GRID1: variants seen among roughly 807,000 people sequenced by gnomAD.
GRID1 encodes glutamate receptor ionotropic, delta-1.
In GRID1, 28 loss-of-function variants were observed where a neutral mutation model predicts 98.0. The observed-to-expected ratio is 0.29, with a 90% confidence interval of 0.21 to 0.39. GRID1 has a LOEUF of 0.39. GRID1 is among the 10% of genes least tolerant of loss of function. The pLI, the probability that GRID1 is intolerant of heterozygous loss-of-function variation, is 1.00. For missense variants in GRID1, 1,111 were observed against 1,340.5 expected, an observed-to-expected ratio of 0.83 and a Z score of 2.67; for synonymous variants, 553 against 538.5, an observed-to-expected ratio of 1.03 and a Z score of -0.37.
chr10:86,152,628 C>T (rs936506336), intron 3 of GRID1, among the ~76,000 whole-genome samples: 6 of 152,236 alleles, frequency 3.9e-5, no homozygotes, highest in African/African-American at 1.4e-4. Flanking sequence ...GGGTAGCCAT[C>T]TCTGGCCTGG....
At chr10:86,004,644 C>T (rs1336972330) in intron 4 of GRID1, among the ~76,000 whole-genome samples, 1 of 152,162 alleles carries the variant, frequency 6.6e-6, no homozygotes, top group East Asian at 1.9e-4. Flanking sequence ...AACCTGCTGG[C>T]TCACTCTGCA....
chr10:86,215,682 G>A (rs186101868), intron 2 of GRID1, among the ~76,000 whole-genome samples: 3 of 152,152 alleles, frequency 2.0e-5, no homozygotes, highest in Admixed American at 2.0e-4. Context: ...GCTCCTCCTG[G>A]GCTCCTCCTC....
At chr10:86,155,838 G>T (rs1252284113) in intron 3 of GRID1, among the ~76,000 whole-genome samples, 2 of 152,162 alleles carry the variant, frequency 1.3e-5, no homozygotes, top group South Asian at 4.1e-4. Context: ...TTGCCTCCAG[G>T]AAGCTCTGAA....
At chr10:86,333,076 T>G (rs948990053) in intron 2 of GRID1, among the ~76,000 whole-genome samples, 1 of 152,184 alleles carries the variant, frequency 6.6e-6, no homozygotes, top group Non-Finnish European at 1.5e-5. Flanking sequence ...GAGACCCACC[T>G]ACCACTCAAA....
intron 4 of GRID1, among the ~76,000 whole-genome samples, chr10:86,073,838 A>C (rs1002322701): frequency 1.3e-5 from 2 of 152,224 alleles, no homozygotes; most frequent in South Asian, 2.1e-4. Context: ...GACAGGACTG[A>C]GCACCTGGGC....
intron 4 of GRID1, among the ~76,000 whole-genome samples, chr10:85,945,744 T>A (rs1425707950): frequency 1.3e-5 from 2 of 152,200 alleles, no homozygotes; most frequent in Admixed American, 1.3e-4. Context: ...TTTCAAAACA[T>A]CCTGAGATAC....
intron 8 of GRID1, among the ~76,000 whole-genome samples, chr10:85,766,868 T>C (rs944113006): frequency 6.6e-6 from 1 of 152,030 alleles, no homozygotes; most frequent in African/African-American, 2.4e-5. Context: ...TGATTTTACA[T>C]TCACAATTTC....
At chr10:85,709,887 A>G (rs1452952791) in intron 12 of GRID1, among the ~76,000 whole-genome samples, 2 of 152,202 alleles carry the variant, frequency 1.3e-5, no homozygotes, top group Non-Finnish European at 2.9e-5. Flanking sequence ...TTACATCCAC[A>G]TGTAACCCAA....
Position 86,207,762 on chromosome 10 carries a change from G to T in GRID1, c.236-1114C>A, listed in dbSNP as rs1454406582. ...TTCTCCTGCCTCAGCCTCCCCTGTA[G>T]CTGGGACTACAGGCACGCGCCACCA... On this transcript the variant is annotated intron_variant, in intron 2 of 15. Transcript: ENST00000327946. 3.3e-5 allele frequency among the ~76,000 whole-genome samples: 5 copies of T among 150,616 alleles called. No homozygotes were observed. In the South Asian group the frequency reaches 1.1e-3, roughly 32 times the overall value.
chr10:85,705,949 A>G (rs1249038275), intron 12 of GRID1, among the ~76,000 whole-genome samples: 1 of 152,244 alleles, frequency 6.6e-6, no homozygotes, highest in Non-Finnish European at 1.5e-5. Context: ...TTAGGTATTG[A>G]TGGGACGTAT....
chr10:85,742,245 T>A (rs577387177), intron 8 of GRID1, among the ~76,000 whole-genome samples: 130 of 152,290 alleles, frequency 8.5e-4, no homozygotes, highest in African/African-American at 3.0e-3. Context: ...GTTCTTTAAC[T>A]ATTCCATAAA....
chr10:86,055,840 A>C (rs1334140971), intron 4 of GRID1, among the ~76,000 whole-genome samples: 2 of 128,486 alleles, frequency 1.6e-5, no homozygotes, highest in African/African-American at 6.3e-5. Context: ...TCTCTCTCTC[A>C]TGTGAGGACA....
chr10:85,640,677 C>T (rs564892839), intron 13 of GRID1, among the ~76,000 whole-genome samples: 3 of 152,324 alleles, frequency 2.0e-5, no homozygotes, highest in Non-Finnish European at 2.9e-5. Flanking sequence ...GGATCAGCTT[C>T]TCTGCCACAG....
rs551477984 is a variant in GRID1 at position 86,112,170 on chromosome 10, C to T, written c.726+26649G>A. On this transcript the variant is annotated intron_variant, in intron 4 of 15. Transcript: ENST00000327946. ...TCCCTATGACTAGGGACAGGGGACA[C>T]AGTGCTGGGACCTAGGACCCCAGGT... Among the ~76,000 whole-genome samples the T allele has an allele frequency of 2.6e-5, 4 of 152,284 alleles. No homozygotes were observed. The South Asian group carries it at 8.3e-4, about 32-fold the overall frequency.
chr10:85,737,395 T>G (rs985527715), intron 8 of GRID1, among the ~76,000 whole-genome samples: 1 of 151,910 alleles, frequency 6.6e-6, no homozygotes, highest in Non-Finnish European at 1.5e-5. Context: ...AAATACCTTC[T>G]GCACTGGCAA....
At chr10:85,775,424 T>C (rs1055950205) in intron 8 of GRID1, among the ~76,000 whole-genome samples, 1 of 152,110 alleles carries the variant, frequency 6.6e-6, no homozygotes, top group African/African-American at 2.4e-5. Context: ...CATGTATACA[T>C]ATGTAACTAA....
intron 3 of GRID1, among the ~76,000 whole-genome samples, chr10:86,179,621 T>G (rs943563608): frequency 6.6e-6 from 1 of 152,186 alleles, no homozygotes; most frequent in Non-Finnish European, 1.5e-5. Flanking sequence ...CCCCAGTCAC[T>G]GCTCCAACTG....
intron 5 of GRID1, among the ~76,000 whole-genome samples, chr10:85,883,027 A>C (rs1047676019): frequency 1.3e-5 from 2 of 151,948 alleles, no homozygotes; most frequent in Admixed American, 1.3e-4. Context: ...TTTCTTCTCC[A>C]TTATGTCATA....
intron 5 of GRID1, among the ~76,000 whole-genome samples, chr10:85,898,759 T>G (rs1189285467): frequency 3.3e-5 from 5 of 152,204 alleles, no homozygotes; most frequent in African/African-American, 1.2e-4. Context: ...AATGCTTTAT[T>G]CTGGAATATC....
Sources: allele counts gnomAD v4.1 joint callset (sites outside exome capture counted in the v4.1 genomes callset), GRCh38; gene constraint gnomAD v4.1.1; transcripts MANE v1.5; gene names NCBI Gene and HGNC (gene_info 2026-07-23, HGNC 2026-07-21).